The following FAT3 variants were observed in gnomAD, a reference collection of about 807,000 sequenced individuals.
FAT3 encodes FAT atypical cadherin 3, also known as protocadherin Fat 3.
A neutral mutation model predicts 310.2 loss-of-function variants in FAT3; 95 were observed. The observed-to-expected ratio is 0.31, with a 90% CI of 0.26 to 0.36. The LOEUF is 0.36. Ranked by LOEUF, FAT3 falls within the 10% of genes least tolerant of loss-of-function variation. FAT3 has a pLI of 1.00. For synonymous variants in FAT3, 2,314 were observed against 2,192.9 expected (o/e 1.06, Z -1.54); for missense variants, 5,408 against 5,715.6 (o/e 0.95, Z 1.74).
chr11:92,537,953 T>C (rs1255609303), intron 3 of FAT3, among the ~76,000 whole-genome samples: 1 of 152,090 alleles, frequency 6.6e-6, no homozygotes, highest in Non-Finnish European at 1.5e-5. Flanking sequence ...GGAAAGATAT[T>C]TATCTTTATA....
chr11:92,424,704 T>G (rs1204745571), intron 2 of FAT3, among the ~76,000 whole-genome samples: 1 of 152,124 alleles, frequency 6.6e-6, no homozygotes, highest in African/African-American at 2.4e-5. Flanking sequence ...AGTGAAACAT[T>G]TATCACTTCT....
intron 1 of FAT3, among the ~76,000 whole-genome samples, chr11:92,227,100 C>A (rs1040962984): frequency 9.9e-5 from 15 of 152,194 alleles, no homozygotes; most frequent in African/African-American, 3.4e-4. Flanking sequence ...CCACCCGGGG[C>A]TTGAGCGGCT....
rs758963385 is a variant in FAT3, at chr11:92,831,978, G to A, written c.9838G>A (p.Glu3280Lys). Residue 3280 changes from glutamate to lysine, a missense_variant, in exon 14 of 28, where the codon GAA becomes AAA. Glu to Lys is a moderately conservative substitution (Grantham distance 56). Transcript: ENST00000525166. ...CACTTATCTCATCCGGTCTGGGAAC[G>A]AACAAGGGAAATTTAAGATCAACCC... ...EITYLIRSGN[E>K]QGKFKINPKT... is the part of the protein sequence containing the mutation. 1.6e-5 allele frequency: 25 copies of A among 1,557,232 alleles called. No individual in the cohort carries two copies. Among genetic ancestry groups the A allele is most frequent in the South Asian group, 5.9e-5 (5 of 84,652 alleles).
chr11:92,412,701 T>TGA (rs1297191850), intron 2 of FAT3, among the ~76,000 whole-genome samples: 8 of 22,262 alleles, frequency 3.6e-4, no homozygotes, highest in South Asian at 3.8e-3. Context: ...ATGATGGTGG[T>TGA]GATATATATA....
chr11:92,859,388 G>A, intron 21 of FAT3, 66 bp downstream of exon 21: 2 of 1,393,168 alleles, frequency 1.4e-6, no homozygotes, highest in South Asian at 3.3e-5. Context: ...TCTTGGATTG[G>A]GGAACGGCTG....
chr11:92,742,175 A>T (rs1945526933), intron 4 of FAT3, among the ~76,000 whole-genome samples: 1 of 152,210 alleles, frequency 6.6e-6, no homozygotes, highest in South Asian at 2.1e-4. Context: ...TGCAACAATT[A>T]GATATGGAAT....
intron 19 of FAT3, among the ~76,000 whole-genome samples, chr11:92,848,749 G>A (rs773705295): frequency 6.6e-6 from 1 of 152,264 alleles, no homozygotes; most frequent in African/African-American, 2.4e-5. Flanking sequence ...GCCCTGCGAT[G>A]TACAGAAATG....
At chr11:92,822,317 T>TAA (rs549006711) in intron 13 of FAT3, among the ~76,000 whole-genome samples, 5 of 140,024 alleles carry the variant, frequency 3.6e-5, no homozygotes, top group African/African-American at 1.3e-4. Context: ...ACAGGTTGGT[T>TAA]AAAAAAAAAA....
chr11:92,705,587 G>A (rs1446426393), intron 4 of FAT3, among the ~76,000 whole-genome samples: 1 of 6,310 alleles, frequency 1.6e-4, no homozygotes, highest in Non-Finnish European at 3.0e-4. Flanking sequence ...GATGGTGGTG[G>A]TGTGATGTGG....
chr11:92,402,853 AAAAG>A (rs1950050732), intron 2 of FAT3, among the ~76,000 whole-genome samples: 1 of 150,708 alleles, frequency 6.6e-6, no homozygotes, highest in Non-Finnish European at 1.5e-5. Context: ...CCAAAAAAAA[AAAAG>A]GCCAGCACCA....
At chr11:92,490,017 G>C (rs910994266) in intron 2 of FAT3, among the ~76,000 whole-genome samples, 1 of 151,308 alleles carries the variant, frequency 6.6e-6, no homozygotes, top group African/African-American at 2.4e-5. Context: ...AACTACTTTT[G>C]AATGTCTGGG....
intron 1 of FAT3, among the ~76,000 whole-genome samples, chr11:92,225,856 C>A (rs1253874257): frequency 6.6e-6 from 1 of 152,106 alleles, no homozygotes; most frequent in Non-Finnish European, 1.5e-5. Context: ...CAGAGACTGT[C>A]CCTGCTATCT....
Position 92,524,699 on chromosome 11 carries a change from G to A in FAT3, c.3358G>A (p.Ala1120Thr). Reference protein sequence around the residue: ...TMGSYWLTVYATDRGVVPLYS... With the variant: ...TMGSYWLTVYTTDRGVVPLYS... ...GGGGTCATACTGGCTAACAGTGTAT[G>A]CCACAGACAGGGGCGTTGTTCCACT... Residue 1120 changes from alanine (A) to threonine (T), a missense_variant, in exon 3 of 28, where the codon GCC becomes ACC. By Grantham distance (58) the Ala-to-Thr change is moderately conservative. This residue lies in a region of FAT3 where 4,588 missense variants were observed against 4,809.8 expected (regional missense o/e 0.95). Transcript: ENST00000525166. The A allele has an allele frequency of 1.2e-6, 2 of 1,613,882 alleles. No individual in the cohort carries two copies. The highest frequency in any genetic ancestry group is 2.2e-5 in the East Asian group (1 of 44,868).
At chr11:92,590,628 G>A (rs1303921201) in intron 3 of FAT3, among the ~76,000 whole-genome samples, 1 of 152,088 alleles carries the variant, frequency 6.6e-6, no homozygotes, top group Non-Finnish European at 1.5e-5. Flanking sequence ...AGAGAAACAA[G>A]TACTTAAAAA....
At chr11:92,465,673 T>G (rs1951741195) in intron 2 of FAT3, among the ~76,000 whole-genome samples, 1 of 151,938 alleles carries the variant, frequency 6.6e-6, no homozygotes, top group Non-Finnish European at 1.5e-5. Context: ...TGAGAACACT[T>G]GGACACAGGG....
chr11:92,420,962 C>T (rs1950522353), intron 2 of FAT3, among the ~76,000 whole-genome samples: 1 of 152,176 alleles, frequency 6.6e-6, no homozygotes, highest in Non-Finnish European at 1.5e-5. Flanking sequence ...TAGCAGGGCT[C>T]ATAAAATACC....
intron 15 of FAT3, 71 bp downstream of exon 15, chr11:92,835,155 G>A: frequency 7.5e-7 from 1 of 1,333,204 alleles, no homozygotes; most frequent in South Asian, 1.4e-5. Context: ...GAAGAAGAAA[G>A]CAAAGTCCGT....
chr11:92,443,501 A>T (rs537682365), intron 2 of FAT3, among the ~76,000 whole-genome samples: 1 of 152,354 alleles, frequency 6.6e-6, no homozygotes, highest in East Asian at 1.9e-4. Flanking sequence ...TGACTTGGCC[A>T]TGAGAACAGA....
Position 92,355,322 on chromosome 11 carries a change from A to C in FAT3, c.3210A>C (p.Glu1070Asp). 1 of 1,613,834 alleles carries C rather than the reference A, an allele frequency of 6.2e-7. No homozygotes were observed. The highest frequency in any genetic ancestry group is 8.5e-7 in the Non-Finnish European group (1 of 1,179,844). ...TGCTGCAGGTGACTGCTCGAGATGAAGACTCCGGAAGGGATGGAGAGATCC... is the reference window on the plus strand; with the variant it reads ...TGCTGCAGGTGACTGCTCGAGATGACGACTCCGGAAGGGATGGAGAGATCC... ...TSVLQVTARD[E>D]DSGRDGEIQY... Residue 1070 changes from glutamate (E) to aspartate (D), a missense_variant, in exon 2 of 28, where the codon GAA (glutamate) becomes GAC (aspartate). Coordinates refer to ENST00000525166, the MANE Select transcript of FAT3 (RefSeq NM_001367949.2).
Sources: allele counts gnomAD v4.1 joint callset (sites outside exome capture counted in the v4.1 genomes callset), GRCh38; gene constraint gnomAD v4.1.1; regional missense constraint gnomAD v4.1.1; transcripts MANE v1.5; gene names NCBI Gene and HGNC (gene_info 2026-07-23, HGNC 2026-07-21).